Variants in TBL1X observed in about 807,000 individuals in gnomAD.
TBL1X encodes the protein F-box-like/WD repeat-containing protein TBL1X.
Under a neutral mutation model 50.7 loss-of-function variants are expected in TBL1X, and 10 were observed. That is an observed-to-expected ratio of 0.20 (90% CI 0.12 to 0.33). TBL1X has a LOEUF of 0.33. Among genes scored for constraint, TBL1X ranks in the 10% least tolerant of loss-of-function variants. The pLI, the probability that TBL1X is intolerant of heterozygous loss-of-function variation, is 1.00. For synonymous variants in TBL1X, 190 were observed against 214.7 expected, an observed-to-expected ratio of 0.88 and a Z score of 1.01; for missense variants, 340 against 504.4, an observed-to-expected ratio of 0.67 and a Z score of 3.12.
intron 1 of TBL1X, among the ~76,000 whole-genome samples, chrX:9,492,890 T>TA (rs1403209117): frequency 0.098 from 2,082 of 21,188 alleles, 161 homozygotes; most frequent in African/African-American, 0.16. Context: ...TGTGTGTGTG[T>TA]GTGTGTGTAG....
chrX:9,598,914 T>TG lies in TBL1X; in HGVS notation c.-130-41359_-130-41358insG, dbSNP rs1555898907. On this transcript the variant is annotated intron_variant, in intron 2 of 17. Transcript: ENST00000645353. ...CAAATTTCCATCCCCCTACCTTTTTTTTTTGTTTTGTTTTGTTTTGTTTTG... is the reference window on the plus strand; with the variant it reads ...CAAATTTCCATCCCCCTACCTTTTTTGTTTTGTTTTGTTTTGTTTTGTTTTG... Among the ~76,000 whole-genome samples the TG allele has an allele frequency of 3.1e-5, 3 of 98,342 alleles. No homozygotes were observed. In the Admixed American group the frequency reaches 3.3e-4, roughly 11 times the overall value. 85.4% of individuals were successfully genotyped at this position (98,342 alleles called of 115,157 possible). A position where few individuals can be genotyped will look rare whatever the true frequency, so the allele number is the denominator to read the frequency against.
chrX:9,626,463 T>C (rs1198412618), intron 2 of TBL1X, among the ~76,000 whole-genome samples: 1 of 112,373 alleles, frequency 8.9e-6, no homozygotes, highest in Non-Finnish European at 1.9e-5. Flanking sequence ...CTCCATGCAG[T>C]GTACTGTCCT....
intron 1 of TBL1X, among the ~76,000 whole-genome samples, chrX:9,479,463 A>G (rs1202201247): frequency 8.9e-6 from 1 of 112,530 alleles, no homozygotes; most frequent in Non-Finnish European, 1.9e-5. Context: ...AAATAAAATA[A>G]AATTGGCTTA....
intron 13 of TBL1X, among the ~76,000 whole-genome samples, chrX:9,708,666 G>A (rs1263815853): frequency 1.0e-5 from 1 of 98,389 alleles, no homozygotes; most frequent in African/African-American, 3.8e-5. Flanking sequence ...AGGATCACTT[G>A]AGCCCAAGAG....
At chrX:9,665,003 T>C (rs1359313242) in intron 5 of TBL1X, among the ~76,000 whole-genome samples, 1 of 110,853 alleles carries the variant, frequency 9.0e-6, no homozygotes. Context: ...TATCCTTTAG[T>C]TGTAGGATTT....
chrX:9,563,310 G>C (rs1444195943), intron 2 of TBL1X, among the ~76,000 whole-genome samples: 3 of 112,706 alleles, frequency 2.7e-5, no homozygotes, highest in African/African-American at 9.7e-5. Context: ...TATACTTCAG[G>C]GGCAATAAAA....
chrX:9,550,815 A>G lies in TBL1X; in HGVS notation c.-131+48966A>G, dbSNP rs772702642. Reference sequence around the variant, plus strand: ...TGGTAGAATACAGCAGTGATTCTCAACCAGGGCAGTTGTGTTCCTTGGGGG... The same window carrying G: ...TGGTAGAATACAGCAGTGATTCTCAGCCAGGGCAGTTGTGTTCCTTGGGGG... On this transcript the variant is annotated intron_variant, in intron 2 of 17. Transcript: ENST00000645353. 2.7e-5 allele frequency among the ~76,000 whole-genome samples: 3 copies of G among 112,028 alleles called. No individual in the cohort carries two copies. In the South Asian group the frequency reaches 1.1e-3, roughly 42 times the overall value.
chrX:9,569,109 G>A (rs896461313), intron 2 of TBL1X, among the ~76,000 whole-genome samples: 7 of 106,398 alleles, frequency 6.6e-5, no homozygotes, highest in African/African-American at 2.1e-4. Context: ...AGTGTACTGT[G>A]TGTGTGTGGA....
chrX:9,477,470 A>C (rs766033532), intron 1 of TBL1X, among the ~76,000 whole-genome samples: 1 of 111,965 alleles, frequency 8.9e-6, no homozygotes, highest in Non-Finnish European at 1.9e-5. Context: ...GGCTTTCTCT[A>C]TCTCTTGGAG....
chrX:9,560,711 C>T (rs750310634), intron 2 of TBL1X, among the ~76,000 whole-genome samples: 26 of 111,816 alleles, frequency 2.3e-4, no homozygotes, highest in African/African-American at 6.5e-4. Context: ...AGACAGATTC[C>T]GCAGTGTTCA....
Position 9,675,267 on chromosome X carries a change from G to T in TBL1X, c.212-8776G>T, listed in dbSNP as rs183476823. 1.6e-3 allele frequency among the ~76,000 whole-genome samples: 177 copies of T among 111,653 alleles called. No individual in the cohort carries two copies. In the South Asian group the frequency reaches 0.022, roughly 14 times the overall value. ...ATAAAGAGCAAACCCCAGCATTTTT[G>T]AGGAGAATGCGCCATCTTGGTGATG... is the stretch of plus-strand genomic sequence containing the variant. On this transcript the variant is annotated intron_variant, in intron 5 of 17. Coordinates refer to ENST00000645353, the MANE Select transcript of TBL1X (RefSeq NM_005647.4).
At chrX:9,611,603 A>G (rs2082613947) in intron 2 of TBL1X, among the ~76,000 whole-genome samples, 1 of 112,464 alleles carries the variant, frequency 8.9e-6, no homozygotes, top group South Asian at 3.7e-4. Flanking sequence ...TGTAAGGGTC[A>G]GGAAGTCATG....
intron 2 of TBL1X, among the ~76,000 whole-genome samples, chrX:9,576,412 A>G (rs192665927): frequency 1.8e-5 from 2 of 112,524 alleles, no homozygotes; most frequent in Admixed American, 1.9e-4. Context: ...GACCTGAGTG[A>G]TGCGCTAACG....
chrX:9,655,738 G>A (rs2082861919), intron 5 of TBL1X, among the ~76,000 whole-genome samples: 1 of 112,130 alleles, frequency 8.9e-6, no homozygotes, highest in Non-Finnish European at 1.9e-5. Flanking sequence ...TCGATTGGAG[G>A]GAAAACCAGT....
In TBL1X at chrX:9,645,443, T is replaced by G. The variant is rs780758562; in HGVS notation, c.-43+5083T>G. ...ACGTGTAGAAAGATACACATGCAAT[T>G]GGGAGCCGTGCTTTTCCCACACAGT... On this transcript the variant is annotated intron_variant, in intron 3 of 17. Coordinates refer to ENST00000645353, the MANE Select transcript of TBL1X (RefSeq NM_005647.4). 3.6e-5 allele frequency: 4 copies of G among 111,940 alleles called. No individual in the cohort carries two copies. The East Asian group carries it at 1.1e-3, about 31-fold the overall frequency. The allele number at this position is 111,940 out of a possible 1,213,427, so 9.2% of individuals were successfully genotyped here. A position where few individuals can be genotyped will look rare whatever the true frequency, so the allele number is the denominator to read the frequency against.
At chrX:9,520,148 C>T (rs1048742588) in intron 2 of TBL1X, among the ~76,000 whole-genome samples, 2 of 111,917 alleles carry the variant, frequency 1.8e-5, no homozygotes, top group East Asian at 5.6e-4. Context: ...TCTAAATATT[C>T]CTCTCCCCGC....
intron 16 of TBL1X, 68 bp downstream of exon 16, chrX:9,711,844 C>T: frequency 1.8e-6 from 2 of 1,103,449 alleles, no homozygotes; most frequent in Admixed American, 2.7e-5. Context: ...ACTCCAGTGC[C>T]CTTGGCTCAG....
chrX:9,498,635 C>A (rs763506184), intron 1 of TBL1X, among the ~76,000 whole-genome samples: 1 of 112,554 alleles, frequency 8.9e-6, no homozygotes, highest in Non-Finnish European at 1.9e-5. Context: ...TTGCCTTCTT[C>A]GCGAGTATCT....
intron 2 of TBL1X, among the ~76,000 whole-genome samples, chrX:9,508,355 C>G (rs1324689559): frequency 4.4e-5 from 5 of 112,673 alleles, no homozygotes; most frequent in Non-Finnish European, 7.5e-5. Flanking sequence ...CATCACTGAT[C>G]ATCAGAGAAA....
Sources: allele counts gnomAD v4.1 joint callset (sites outside exome capture counted in the v4.1 genomes callset), GRCh38; gene constraint gnomAD v4.1.1; transcripts MANE v1.5; gene names NCBI Gene and HGNC (gene_info 2026-07-23, HGNC 2026-07-21).